The following TAFA1 variants were observed in gnomAD, a reference collection of about 807,000 sequenced individuals.
TAFA1 encodes chemokine-like protein TAFA-1.
A neutral mutation model predicts 18.5 loss-of-function variants in TAFA1; 4 were observed. The ratio of observed to expected loss-of-function variants is 0.22; its 90% confidence interval spans 0.11 to 0.49. The LOEUF is 0.49. Among genes scored for constraint, TAFA1 ranks in the 20% least tolerant of loss-of-function variants. TAFA1 has a pLI of 0.98. For missense variants in TAFA1, 147 were observed against 169.0 expected, an observed-to-expected ratio of 0.87 and a Z score of 0.72; for synonymous variants, 56 against 55.2, an observed-to-expected ratio of 1.01 and a Z score of -0.06.
rs530795188 is a variant in TAFA1 at position 68,073,221 on chromosome 3, T to C, written c.118+66477T>C. 2.0e-5 allele frequency among the ~76,000 whole-genome samples: 3 copies of C among 152,330 alleles called. No homozygotes were observed. The South Asian group carries it at 6.2e-4, about 32-fold the overall frequency. ...AGGATTACTTATACCTAGGGCTTTG[T>C]TATACGAAGATATTTTTATAGATTT... is the stretch of plus-strand genomic sequence containing the variant. On this transcript the variant is annotated intron_variant, in intron 2 of 4. Coordinates refer to ENST00000478136, the MANE Select transcript of TAFA1 (RefSeq NM_213609.4).
intron 2 of TAFA1, among the ~76,000 whole-genome samples, chr3:68,126,175 G>A (rs745698273): frequency 1.3e-5 from 2 of 152,076 alleles, no homozygotes; most frequent in African/African-American, 4.8e-5. Flanking sequence ...TGATCAAACC[G>A]ATGTCTTTGT....
intron 3 of TAFA1, among the ~76,000 whole-genome samples, chr3:68,508,964 G>A (rs1463900069): frequency 6.6e-6 from 1 of 151,918 alleles, no homozygotes; most frequent in East Asian, 1.9e-4. Context: ...TCATGGTGTG[G>A]GTGTGTTTGA....
chr3:68,408,366 C>A (rs895177633), intron 2 of TAFA1, among the ~76,000 whole-genome samples: 3 of 152,078 alleles, frequency 2.0e-5, no homozygotes, highest in Admixed American at 6.6e-5. Context: ...AAAAGCTTTA[C>A]CTTTGTAAGT....
chr3:68,021,526 C>T (rs931627681), intron 2 of TAFA1, among the ~76,000 whole-genome samples: 2 of 152,114 alleles, frequency 1.3e-5, no homozygotes, highest in Non-Finnish European at 2.9e-5. Flanking sequence ...CAGGCATATT[C>T]TAATAAACAC....
At chr3:68,235,823 A>G (rs943623847) in intron 2 of TAFA1, among the ~76,000 whole-genome samples, 2 of 152,170 alleles carry the variant, frequency 1.3e-5, no homozygotes, top group Admixed American at 6.5e-5. Flanking sequence ...CACTTCACAC[A>G]TGAAAATTTC....
At chr3:68,119,004 G>C (rs925219884) in intron 2 of TAFA1, among the ~76,000 whole-genome samples, 1 of 151,522 alleles carries the variant, frequency 6.6e-6, no homozygotes, top group East Asian at 1.9e-4. Context: ...GTGTACAAAT[G>C]ACACAATTTT....
chr3:68,016,889 T>C (rs933836428), intron 2 of TAFA1, among the ~76,000 whole-genome samples: 3 of 152,214 alleles, frequency 2.0e-5, no homozygotes, highest in Admixed American at 2.0e-4. Context: ...TCTTATTGTA[T>C]GAAAAATAAT....
At chr3:68,314,608 G>T (rs2068576424) in intron 2 of TAFA1, among the ~76,000 whole-genome samples, 1 of 152,170 alleles carries the variant, frequency 6.6e-6, no homozygotes, top group Non-Finnish European at 1.5e-5. Context: ...ATCATGATTT[G>T]TGATGGCTAC....
intron 2 of TAFA1, among the ~76,000 whole-genome samples, chr3:68,085,217 T>G (rs983059179): frequency 1.3e-5 from 2 of 152,194 alleles, no homozygotes; most frequent in Non-Finnish European, 2.9e-5. Context: ...AAGTCTAAAG[T>G]CAGTAACCAT....
intron 2 of TAFA1, among the ~76,000 whole-genome samples, chr3:68,147,398 C>T (rs1157584128): frequency 1.3e-5 from 2 of 152,012 alleles, no homozygotes; most frequent in South Asian, 2.1e-4. Flanking sequence ...CAAAATATCC[C>T]CCCCTCCCAA....
At chr3:68,282,659 T>C (rs764563251) in intron 2 of TAFA1, among the ~76,000 whole-genome samples, 3 of 152,146 alleles carry the variant, frequency 2.0e-5, no homozygotes, top group Non-Finnish European at 2.9e-5. Context: ...CTGAGTATCA[T>C]AGCAAAATCA....
At chr3:68,124,102 G>A (rs1353397118) in intron 2 of TAFA1, among the ~76,000 whole-genome samples, 1 of 152,118 alleles carries the variant, frequency 6.6e-6, no homozygotes. Flanking sequence ...TTCATGTATA[G>A]AGAGTTTGAG....
chr3:68,134,952 G>T (rs1016042938), intron 2 of TAFA1, among the ~76,000 whole-genome samples: 1 of 152,196 alleles, frequency 6.6e-6, no homozygotes, highest in Non-Finnish European at 1.5e-5. Context: ...GTAACATGAT[G>T]CTTGAACTTC....
chr3:68,490,699 A>C (rs1339719067), intron 3 of TAFA1, among the ~76,000 whole-genome samples: 3 of 152,186 alleles, frequency 2.0e-5, no homozygotes, highest in African/African-American at 7.2e-5. Flanking sequence ...TGCCATTTAC[A>C]TTAACATGTG....
intron 2 of TAFA1, among the ~76,000 whole-genome samples, chr3:68,233,001 T>C (rs2066889567): frequency 6.6e-6 from 1 of 152,210 alleles, no homozygotes; most frequent in Admixed American, 6.5e-5. Context: ...TTTCTCTGCA[T>C]CCTTGCCAGC....
intron 2 of TAFA1, among the ~76,000 whole-genome samples, chr3:68,393,843 A>G (rs574338955): frequency 7.2e-5 from 11 of 152,312 alleles, no homozygotes; most frequent in Admixed American, 6.5e-4. Flanking sequence ...TCAATAAACT[A>G]GGTATTGATG....
intron 2 of TAFA1, among the ~76,000 whole-genome samples, chr3:68,368,759 C>CAACT (rs200642351): frequency 0.011 from 1,628 of 152,252 alleles, 27 homozygotes; most frequent in African/African-American, 0.038. Context: ...AAATCTCCAC[C>CAACT]AACTTACTTT....
At chr3:68,319,047 C>T (rs1246673507) in intron 2 of TAFA1, among the ~76,000 whole-genome samples, 2 of 152,118 alleles carry the variant, frequency 1.3e-5, no homozygotes, top group African/African-American at 4.8e-5. Flanking sequence ...ATATTCCTTT[C>T]ACAATGTACT....
chr3:68,347,210 A>G (rs2069176835), intron 2 of TAFA1, among the ~76,000 whole-genome samples: 2 of 152,296 alleles, frequency 1.3e-5, no homozygotes, highest in South Asian at 4.1e-4. Context: ...TCTCTTTAAC[A>G]TACTCCGCAA....
Sources: allele counts gnomAD v4.1 joint callset (sites outside exome capture counted in the v4.1 genomes callset), GRCh38; gene constraint gnomAD v4.1.1; transcripts MANE v1.5; gene names NCBI Gene and HGNC (gene_info 2026-07-23, HGNC 2026-07-21).